SYNGR4: variants seen among roughly 807,000 people sequenced by gnomAD.
The protein encoded by SYNGR4 is synaptogyrin 4.
SYNGR4 carries 15 observed loss-of-function variants against 15.5 expected under a neutral mutation model. That is an observed-to-expected ratio of 0.97 (90% CI 0.65 to 1.49). SYNGR4 has a LOEUF of 1.49. Ranked by LOEUF, SYNGR4 falls within the 40% of genes most tolerant of loss-of-function variation. The pLI is 0.00. For missense variants in SYNGR4, 292 were observed against 299.3 expected (o/e 0.98, Z 0.18); for synonymous variants, 121 against 127.4 (o/e 0.95, Z 0.34).
In SYNGR4 at chr19:48,373,754, G is replaced by A; in HGVS notation, c.331G>A (p.Val111Ile). The change falls in exon 3 of 5, where the codon GTT becomes ATT. Residue 111 changes from valine (V) to isoleucine (I), a missense_variant and splice_region_variant. Transcript: ENST00000344846. The stretch of plus-strand genomic sequence containing the variant: ...CCAGCTCCTGGACTTCATCCTGGCT[G>A]GTGAGCCCCCAGGACCCCCAACCCA... Reference protein sequence around the residue: ...AFQLLDFILAVLWAVVWFMGF... With the variant: ...AFQLLDFILAILWAVVWFMGF... 6.2e-7 allele frequency: 1 copy of A among 1,613,516 alleles called. No individual in the cohort carries two copies. The highest frequency in any genetic ancestry group is 8.5e-7 in the Non-Finnish European group (1 of 1,179,822).
chr19:48,374,156 C>T (rs1600947936), intron 3 of SYNGR4, among the ~76,000 whole-genome samples: 1 of 150,496 alleles, frequency 6.6e-6, no homozygotes, highest in African/African-American at 2.5e-5. Context: ...CGGCTCACTG[C>T]AACCTCCGCC....
intron 2 of SYNGR4, among the ~76,000 whole-genome samples, chr19:48,367,162 G>A (rs1970235506): frequency 6.6e-6 from 1 of 151,764 alleles, no homozygotes; most frequent in South Asian, 2.1e-4. Flanking sequence ...GCTGGGCACG[G>A]TGGCTCACAC....
intron 3 of SYNGR4, among the ~76,000 whole-genome samples, chr19:48,374,146 C>T (rs936767454): frequency 4.0e-5 from 6 of 148,878 alleles, no homozygotes; most frequent in Non-Finnish European, 7.4e-5. Flanking sequence ...GGCACAGTCT[C>T]GGCTCACTGC....
rs34282921 is a variant in SYNGR4, at chr19:48,373,572, T to C, written c.149T>C (p.Met50Thr). Residue 50 changes from methionine to threonine, a missense_variant, in exon 3 of 5, where the codon ATG becomes ACG. By Grantham distance (81) the Met-to-Thr change is moderately conservative. Transcript: ENST00000344846. ...CTGACCGACGGCTACCAGAACAAGA[T>C]GGAGTCTCCGCAGCTCCACTGCATT... Reference protein sequence around the residue: ...SLLTDGYQNKMESPQLHCILN... With the variant: ...SLLTDGYQNKTESPQLHCILN... 12,816 of 1,613,836 alleles carry C rather than the reference T, an allele frequency of 7.9e-3. 70 individuals carry two copies. The highest frequency in any genetic ancestry group is 9.5e-3 in the Non-Finnish European group (11,264 of 1,179,994).
chr19:48,375,909 C>T, intron 4 of SYNGR4, 157 bp downstream of exon 4: 2 of 1,511,522 alleles, frequency 1.3e-6, no homozygotes, highest in Non-Finnish European at 1.8e-6. Context: ...GGTGCCGCTT[C>T]CTCTGAGCAG....
At chr19:48,375,025 ATTTT>A (rs377458221) in intron 3 of SYNGR4, among the ~76,000 whole-genome samples, 1 of 129,476 alleles carries the variant, frequency 7.7e-6, no homozygotes. Flanking sequence ...GCTGAGAAAC[ATTTT>A]TTTTTTTTTT....
chr19:48,369,873 A>G (rs555857159), intron 2 of SYNGR4, among the ~76,000 whole-genome samples: 1 of 152,250 alleles, frequency 6.6e-6, no homozygotes, highest in African/African-American at 2.4e-5. Flanking sequence ...TTCTGCTCCA[A>G]AATAGGGAGA....
intron 2 of SYNGR4, among the ~76,000 whole-genome samples, chr19:48,371,696 GC>G (rs1970309845): frequency 6.6e-6 from 1 of 151,158 alleles, no homozygotes. Context: ...TCCTACCTCA[GC>G]CCCCCAAGTA....
At chr19:48,365,641 C>T (rs1465746099) in intron 1 of SYNGR4, 95 bp from the exon 2 acceptor site, 16 of 324,476 alleles carry the variant, frequency 4.9e-5, no homozygotes, top group South Asian at 3.2e-5. Flanking sequence ...GGGGACCCCC[C>T]CCATCCCCAC....
Position 48,369,130 on chromosome 19 carries a change from C to A in SYNGR4, c.93+3195C>A, listed in dbSNP as rs75571519. Among the ~76,000 whole-genome samples, 51 of 152,194 alleles carry A rather than the reference C, an allele frequency of 3.4e-4. 1 individual carries two copies. Among genetic ancestry groups the A allele is most frequent in the Admixed American group, 3.3e-3 (50 of 15,294 alleles). ...CCTCCTTCCACCGTCCCTACCCCCC[C>A]GCCCTCTCCTCCTTCCCCCCTGGCC... On this transcript the variant is annotated intron_variant, in intron 2 of 4. Coordinates refer to ENST00000344846, the MANE Select transcript of SYNGR4 (RefSeq NM_012451.4).
chr19:48,365,557 C>T (rs1305761133), intron 1 of SYNGR4, among the ~76,000 whole-genome samples, 179 bp from the exon 2 acceptor site: 1 of 150,402 alleles, frequency 6.6e-6, no homozygotes. Flanking sequence ...TCTGGGGCCC[C>T]TGACAGCCCA....
intron 2 of SYNGR4, 161 bp from the exon 3 acceptor site, chr19:48,373,356 G>A (rs1486043237): frequency 3.0e-6 from 2 of 667,524 alleles, no homozygotes; most frequent in South Asian, 3.5e-5. Flanking sequence ...AGGGGACGAG[G>A]GGCAGGAAGC....
intron 2 of SYNGR4, among the ~76,000 whole-genome samples, chr19:48,371,121 A>G (rs1006339737): frequency 4.0e-5 from 6 of 151,880 alleles, no homozygotes; most frequent in African/African-American, 1.5e-4. Context: ...CTCATCTCAC[A>G]CCAGAACCCT....
chr19:48,367,579 A>G (rs182351191), intron 2 of SYNGR4, among the ~76,000 whole-genome samples: 1 of 152,062 alleles, frequency 6.6e-6, no homozygotes, highest in East Asian at 1.9e-4. Flanking sequence ...TTTATTTTCC[A>G]CCTCCCAGTT....
In SYNGR4 at chr19:48,376,347, A is replaced by T; in HGVS notation, c.*29A>T. The T allele has an allele frequency of 6.2e-7, 1 of 1,608,376 alleles. No individual in the cohort carries two copies. Among genetic ancestry groups the T allele is most frequent in the Non-Finnish European group, 8.5e-7 (1 of 1,177,884 alleles). On this transcript the variant is annotated 3_prime_UTR_variant, in exon 5 of 5. Coordinates refer to ENST00000344846, the MANE Select transcript of SYNGR4 (RefSeq NM_012451.4). ...TCCTTATCCAAATCAATAAAGAGAG[A>T]ATCCTCCCTCCAGAAGGGTTTCTAA...
At chr19:48,372,301 T>C (rs536465155) in intron 2 of SYNGR4, among the ~76,000 whole-genome samples, 1 of 152,208 alleles carries the variant, frequency 6.6e-6, no homozygotes, top group East Asian at 1.9e-4. Context: ...AAGGATGACC[T>C]GGGTGAGTGT....
rs200199379 is a variant in SYNGR4, at chr19:48,376,067, G to A, written c.472-18G>A. 22 of 1,614,084 alleles carry A rather than the reference G, an allele frequency of 1.4e-5. No individual in the cohort carries two copies. Among genetic ancestry groups the A allele is most frequent in the East Asian group, 4.5e-5 (2 of 44,888 alleles). On this transcript the variant is annotated intron_variant, in intron 4 of 4. Coordinates refer to ENST00000344846, the MANE Select transcript of SYNGR4 (RefSeq NM_012451.4). ...CCCAGCCCAAGTCAGCCTTCAGCACGCGCTTTTCTGCCCACAGATATTCCA... is the reference window on the plus strand; with the variant it reads ...CCCAGCCCAAGTCAGCCTTCAGCACACGCTTTTCTGCCCACAGATATTCCA...
intron 2 of SYNGR4, among the ~76,000 whole-genome samples, chr19:48,371,370 C>G (rs557528046): frequency 6.6e-6 from 1 of 151,572 alleles, no homozygotes; most frequent in Non-Finnish European, 1.5e-5. Flanking sequence ...CACACCAGCT[C>G]GTCTTTGTCT....
intron 3 of SYNGR4, among the ~76,000 whole-genome samples, chr19:48,375,086 C>T (rs1377304575): frequency 2.1e-5 from 3 of 142,244 alleles, no homozygotes; most frequent in African/African-American, 5.3e-5. Context: ...AGTGCAGAGG[C>T]GCAATATCAG....
Sources: allele counts gnomAD v4.1 joint callset (sites outside exome capture counted in the v4.1 genomes callset), GRCh38; gene constraint gnomAD v4.1.1; transcripts MANE v1.5; gene names NCBI Gene and HGNC (gene_info 2026-07-23, HGNC 2026-07-21).